DIO1: variants seen among roughly 807,000 people sequenced by gnomAD.
The protein encoded by DIO1 is type I iodothyronine deiodinase.
Under a neutral mutation model 25.9 loss-of-function variants are expected in DIO1, and 17 were observed. The observed-to-expected ratio is 0.66, with a 90% CI of 0.45 to 0.98. The LOEUF is 0.98. Among genes scored for constraint, DIO1 ranks in the 50% least tolerant of loss-of-function variants. The pLI, the probability that DIO1 is intolerant of heterozygous loss-of-function variation, is 0.00. For synonymous variants in DIO1, 115 were observed against 114.0 expected (o/e 1.01, Z -0.05); for missense variants, 270 against 310.4 (o/e 0.87, Z 0.98).
intron 1 of DIO1, among the ~76,000 whole-genome samples, chr1:53,897,374 G>A (rs761453222): frequency 2.4e-4 from 37 of 152,282 alleles, no homozygotes; most frequent in Non-Finnish European, 4.9e-4. Context: ...TACTCAGAAG[G>A]CTGAGGCATG....
At position 53,900,982 on chromosome 1, in the gene DIO1, CTTTTTT is replaced by C. The variant is rs71063891; in HGVS notation, c.338-3660_338-3655del. On this transcript the variant is annotated intron_variant, in intron 1 of 3. Transcript: ENST00000361921. ...GGCACACCCTACCAGGGCCAGCTAA[CTTTTTT>C]TTTTTTTTTTTTTTTTTTTTTTTCA... is the stretch of plus-strand genomic sequence containing the variant. Among the ~76,000 whole-genome samples, 327 of 72,054 alleles carry C rather than the reference CTTTTTT, an allele frequency of 4.5e-3. 2 individuals carry two copies. Among genetic ancestry groups the C allele is most frequent in the African/African-American group, 0.017 (309 of 17,710 alleles). The allele number at this position is 72,054 out of a possible 152,430, so 47.3% of individuals were successfully genotyped here. A position where few individuals can be genotyped will look rare whatever the true frequency, so the allele number is the denominator to read the frequency against.
At position 53,909,806 on chromosome 1, in the gene DIO1, C is replaced by G; in HGVS notation, c.682-125C>G. ...ACGGTTGCATCTGCCATTGAATTAG[C>G]CATGCTGATGGCTCCTACACAGACA... On this transcript the variant is annotated intron_variant, in intron 3 of 3. Transcript: ENST00000361921. The G allele has an allele frequency of 9.5e-6, 8 of 844,120 alleles. No homozygotes were observed. In the South Asian group the frequency reaches 1.2e-4, roughly 12 times the overall value. 52.3% of individuals were successfully genotyped at this position (844,120 alleles called of 1,614,324 possible). A position where few individuals can be genotyped will look rare whatever the true frequency, so the allele number is the denominator to read the frequency against.
intron 1 of DIO1, chr1:53,903,290 G>C (rs1333759589): frequency 1.3e-5 from 2 of 151,946 alleles, no homozygotes; most frequent in Non-Finnish European, 2.9e-5. Flanking sequence ...TCCTTACAGA[G>C]GTTGCAATAC....
At chr1:53,903,897 C>T (rs570259052) in intron 1 of DIO1, among the ~76,000 whole-genome samples, 1 of 151,882 alleles carries the variant, frequency 6.6e-6, no homozygotes, top group Non-Finnish European at 1.5e-5. Context: ...CACTTTCCCC[C>T]ACTTTTTGAA....
chr1:53,899,522 AC>A (rs1316483463), intron 1 of DIO1, among the ~76,000 whole-genome samples: 1 of 152,138 alleles, frequency 6.6e-6, no homozygotes, highest in African/African-American at 2.4e-5. Context: ...CTCAATACTG[AC>A]CACTGTACCC....
intron 1 of DIO1, among the ~76,000 whole-genome samples, chr1:53,899,965 C>G (rs1191686909): frequency 6.6e-6 from 1 of 152,142 alleles, no homozygotes; most frequent in Admixed American, 6.5e-5. Context: ...CACAATTGAC[C>G]TCTGAGCTGC....
chr1:53,894,366 G>A lies in DIO1; in HGVS notation c.156G>A (p.Arg52=), dbSNP rs1426288950. The part of the protein sequence containing the change: ...LAMGEKTGMT[R]NPHFSHDNWI... Reference sequence around the variant, plus strand: ...TGGGCGAGAAGACGGGTATGACCAGGAACCCCCATTTCAGCCACGACAACT... The same window carrying A: ...TGGGCGAGAAGACGGGTATGACCAGAAACCCCCATTTCAGCCACGACAACT... Residue 52 remains arginine, a synonymous_variant, in exon 1 of 4, where the codon AGG becomes AGA. Transcript: ENST00000361921. This position sits in a 1 kb window ranked among gnomAD's most constrained non-coding sequence, Gnocchi z 4.9. The A allele has an allele frequency of 6.2e-7, 1 of 1,614,230 alleles. No individual in the cohort carries two copies. The highest frequency in any genetic ancestry group is 1.7e-5 in the Admixed American group (1 of 60,028).
intron 1 of DIO1, among the ~76,000 whole-genome samples, chr1:53,896,776 T>C (rs374351902): frequency 2.1e-4 from 32 of 152,302 alleles, no homozygotes; most frequent in African/African-American, 7.2e-4. Context: ...AACTTTTGCC[T>C]GGAGGACTTG....
chr1:53,894,601 G>A lies in DIO1; in HGVS notation c.337+54G>A, dbSNP rs964429748. 17 of 1,505,518 alleles carry A rather than the reference G, an allele frequency of 1.1e-5. No individual in the cohort carries two copies. Among genetic ancestry groups the A allele is most frequent in the Non-Finnish European group, 1.4e-5 (16 of 1,112,118 alleles). 93.3% of individuals were successfully genotyped at this position (1,505,518 alleles called of 1,614,324 possible). ...TGCTTGAAATAGCAGTGGTAGAGGG[G>A]GATGAAGAGATGGGTTGGAAAGTCC... On this transcript the variant is annotated intron_variant, in intron 1 of 3. Coordinates refer to ENST00000361921, the MANE Select transcript of DIO1 (RefSeq NM_000792.7). The surrounding 1 kb of genome is among the most constrained non-coding windows in gnomAD (Gnocchi z 4.9).
intron 2 of DIO1, 188 bp downstream of exon 2, chr1:53,904,997 AAC>A: frequency 1.8e-6 from 1 of 564,558 alleles, no homozygotes; most frequent in Admixed American, 3.5e-5. Flanking sequence ...CTGTGCTTTC[AAC>A]CAGGGTACAG....
intron 1 of DIO1, among the ~76,000 whole-genome samples, chr1:53,902,894 C>A (rs1569718325): frequency 6.6e-6 from 1 of 151,700 alleles, no homozygotes; most frequent in Non-Finnish European, 1.5e-5. Context: ...TCTTGAAATT[C>A]TTCATAATTT....
chr1:53,906,396 C>A, intron 3 of DIO1, 102 bp downstream of exon 3: 1 of 1,013,634 alleles, frequency 9.9e-7, no homozygotes, highest in Non-Finnish European at 1.5e-6. Context: ...TTCAAATCAC[C>A]ACCCAGCCAC....
intron 1 of DIO1, among the ~76,000 whole-genome samples, chr1:53,895,164 C>G (rs1409879529): frequency 1.3e-5 from 2 of 152,190 alleles, no homozygotes; most frequent in African/African-American, 4.8e-5. Context: ...ATGGTTCACG[C>G]CTGTAATCCC....
intron 2 of DIO1, among the ~76,000 whole-genome samples, chr1:53,905,722 G>T (rs571310125): frequency 6.6e-6 from 1 of 152,282 alleles, no homozygotes; most frequent in South Asian, 2.1e-4. Context: ...CTCCAAGTAT[G>T]GTCTAGGCGC....
At chr1:53,900,982 CTTTT>C (rs71063891) in intron 1 of DIO1, among the ~76,000 whole-genome samples, 21 of 72,082 alleles carry the variant, frequency 2.9e-4, no homozygotes, top group South Asian at 1.1e-3. Flanking sequence ...GGCCAGCTAA[CTTTT>C]TTTTTTTTTT....
chr1:53,894,266 T>C lies in DIO1; in HGVS notation c.56T>C (p.Val19Ala), dbSNP rs1438010649. Residue 19 changes from valine (V) to alanine (A), a missense_variant, in exon 1 of 4, where the codon GTG (valine) becomes GCG (alanine). Val to Ala is a moderately conservative substitution (Grantham distance 64). Transcript: ENST00000361921. This position sits in a 1 kb window ranked among gnomAD's most constrained non-coding sequence, Gnocchi z 4.9. ...AAGAGGCTCTGGGTGCTCTTGGAGG[T>C]GGCTGTGCATGTGGTCGTGGGTAAA... ...WLKRLWVLLE[V>A]AVHVVVGKVL... 1.2e-6 allele frequency: 2 copies of C among 1,614,190 alleles called. No individual in the cohort carries two copies. Among genetic ancestry groups the C allele is most frequent in the South Asian group, 1.1e-5 (1 of 91,086 alleles).
Position 53,894,685 on chromosome 1 carries a change from C to A in DIO1, c.337+138C>A. The A allele has an allele frequency of 2.6e-6, 2 of 774,440 alleles. No individual in the cohort carries two copies. The highest frequency in any genetic ancestry group is 2.0e-6 in the Non-Finnish European group (1 of 496,360). 48.0% of individuals were successfully genotyped at this position (774,440 alleles called of 1,614,324 possible). ...GACCTTCTTGTCCTCTTCCTGCTTCCTGAAACTAGAACTTCTTGTGGATTG... is the reference window on the plus strand; with the variant it reads ...GACCTTCTTGTCCTCTTCCTGCTTCATGAAACTAGAACTTCTTGTGGATTG... On this transcript the variant is annotated intron_variant, in intron 1 of 3. Transcript: ENST00000361921. The surrounding 1 kb of genome is among the most constrained non-coding windows in gnomAD (Gnocchi z 4.9).
intron 1 of DIO1, among the ~76,000 whole-genome samples, chr1:53,897,246 CG>C (rs1363251965): frequency 6.6e-6 from 1 of 152,142 alleles, no homozygotes; most frequent in African/African-American, 2.4e-5. Flanking sequence ...GAGGCTGAGG[CG>C]GGCAGATCAC....
chr1:53,907,911 CG>C (rs201690172), intron 3 of DIO1, among the ~76,000 whole-genome samples: 12,605 of 90,736 alleles, frequency 0.14, 1,724 homozygotes, highest in African/African-American at 0.34. Flanking sequence ...AACTCTGTCT[CG>C]GAAAAAAAAA....
Sources: gnomAD v4.1 joint callset for allele counts (sites outside exome capture counted in the v4.1 genomes callset) on GRCh38, gnomAD v4.1.1 for gene constraint, Gnocchi (gnomAD v3.1) non-coding constraint, MANE v1.5 for transcripts, NCBI Gene and HGNC (gene_info 2026-07-23, HGNC 2026-07-21) for gene names.